SPIDR: variants seen among roughly 807,000 people sequenced by gnomAD.
SPIDR encodes the protein scaffold protein involved in DNA repair, also known as DNA repair-scaffolding protein.
SPIDR carries 93 observed loss-of-function variants against 104.6 expected under a neutral mutation model. The observed-to-expected ratio is 0.89, with a 90% CI of 0.75 to 1.06. SPIDR has a LOEUF of 1.06. SPIDR is among the 50% of genes least tolerant of loss of function. The pLI, the probability that SPIDR is intolerant of heterozygous loss-of-function variation, is 0.00. For synonymous variants in SPIDR, 431 were observed against 416.9 expected, an observed-to-expected ratio of 1.03 and a Z score of -0.41; for missense variants, 1,154 against 1,111.2, an observed-to-expected ratio of 1.04 and a Z score of -0.55.
intron 8 of SPIDR, among the ~76,000 whole-genome samples, chr8:47,473,726 T>C (rs1384211750): frequency 6.6e-6 from 1 of 152,202 alleles, no homozygotes; most frequent in Non-Finnish European, 1.5e-5. Context: ...AATGGAAATC[T>C]TGGCTTTGCA....
intron 8 of SPIDR, among the ~76,000 whole-genome samples, chr8:47,539,230 G>A (rs950132482): frequency 6.6e-6 from 1 of 152,114 alleles, no homozygotes; most frequent in Non-Finnish European, 1.5e-5. Flanking sequence ...ACCCGTTACT[G>A]CACTAGCGGA....
intron 8 of SPIDR, among the ~76,000 whole-genome samples, chr8:47,498,796 G>A (rs903421606): frequency 2.6e-5 from 4 of 152,158 alleles, no homozygotes; most frequent in African/African-American, 7.2e-5. Context: ...ATAAAAGAAA[G>A]GCATAATGTT....
At chr8:47,733,379 T>A (rs2085587671) in intron 19 of SPIDR, among the ~76,000 whole-genome samples, 1 of 152,140 alleles carries the variant, frequency 6.6e-6, no homozygotes, top group South Asian at 2.1e-4. Context: ...AGAGCAAGAC[T>A]CAGTCTCAAA....
chr8:47,418,626 G>A (rs1343645716), intron 7 of SPIDR, among the ~76,000 whole-genome samples: 3 of 152,112 alleles, frequency 2.0e-5, no homozygotes, highest in Non-Finnish European at 4.4e-5. Flanking sequence ...TCTCCTGCCT[G>A]ATTGCCCTGG....
At chr8:47,649,967 TA>T (rs1261758911) in intron 10 of SPIDR, among the ~76,000 whole-genome samples, 1 of 152,082 alleles carries the variant, frequency 6.6e-6, no homozygotes, top group Non-Finnish European at 1.5e-5. Context: ...CTCACAGTAA[TA>T]AAAACCGTAT....
At chr8:47,452,866 G>C (rs192723437) in intron 8 of SPIDR, among the ~76,000 whole-genome samples, 22 of 152,200 alleles carry the variant, frequency 1.4e-4, no homozygotes, top group Admixed American at 1.4e-3. Flanking sequence ...GGCCAGGGTA[G>C]TCAGGCAGGA....
At chr8:47,309,379 C>G (rs145315138) in intron 5 of SPIDR, among the ~76,000 whole-genome samples, 1 of 152,084 alleles carries the variant, frequency 6.6e-6, no homozygotes, top group Non-Finnish European at 1.5e-5. Context: ...TATACTGTAT[C>G]TGTTCATTAT....
chr8:47,434,838 G>C (rs2067993366), intron 7 of SPIDR, among the ~76,000 whole-genome samples: 1 of 152,148 alleles, frequency 6.6e-6, no homozygotes. Flanking sequence ...GAAGACTTGA[G>C]TTGACGTGAG....
At chr8:47,384,427 A>T (rs532656960) in intron 5 of SPIDR, among the ~76,000 whole-genome samples, 97 of 152,342 alleles carry the variant, frequency 6.4e-4, no homozygotes, top group Middle Eastern at 6.8e-3. Context: ...ATATTATTAG[A>T]AATTACTTTT....
chr8:47,514,493 T>C (rs528101486), intron 8 of SPIDR, among the ~76,000 whole-genome samples: 2 of 152,228 alleles, frequency 1.3e-5, no homozygotes, highest in African/African-American at 2.4e-5. Flanking sequence ...TCTACAGAAA[T>C]ATGTATAGTG....
At chr8:47,724,174 C>T (rs2083860602) in intron 16 of SPIDR, among the ~76,000 whole-genome samples, 1 of 152,144 alleles carries the variant, frequency 6.6e-6, no homozygotes, top group African/African-American at 2.4e-5. Context: ...CCTGCAGGCC[C>T]TCATGTAGGG....
At chr8:47,373,777 A>G (rs1004787702) in intron 5 of SPIDR, among the ~76,000 whole-genome samples, 1 of 152,214 alleles carries the variant, frequency 6.6e-6, no homozygotes, top group African/African-American at 2.4e-5. Flanking sequence ...TTCTGGCTTA[A>G]AATCAATTTT....
chr8:47,373,057 C>G (rs1587855046), intron 5 of SPIDR, among the ~76,000 whole-genome samples: 1 of 152,110 alleles, frequency 6.6e-6, no homozygotes, highest in Non-Finnish European at 1.5e-5. Context: ...TGTGATCTAA[C>G]TGGAAATTGG....
intron 10 of SPIDR, among the ~76,000 whole-genome samples, chr8:47,663,775 C>T (rs912069804): frequency 1.3e-5 from 2 of 152,194 alleles, no homozygotes; most frequent in African/African-American, 2.4e-5. Context: ...TGTTTTCTCA[C>T]ACGACACATG....
At chr8:47,623,357 T>C (rs1225299703) in intron 10 of SPIDR, among the ~76,000 whole-genome samples, 1 of 152,182 alleles carries the variant, frequency 6.6e-6, no homozygotes, top group African/African-American at 2.4e-5. Flanking sequence ...GCTGACATCA[T>C]AATGAAAGGA....
intron 8 of SPIDR, among the ~76,000 whole-genome samples, chr8:47,461,972 G>T (rs1225833436): frequency 6.6e-6 from 1 of 151,862 alleles, no homozygotes. Context: ...GTGATTTTTG[G>T]GGGGTGTTAA....
At chr8:47,453,731 G>A (rs2072365445) in intron 8 of SPIDR, among the ~76,000 whole-genome samples, 1 of 152,124 alleles carries the variant, frequency 6.6e-6, no homozygotes, top group South Asian at 2.1e-4. Context: ...AGCCTTAAAT[G>A]TTAGATCTAA....
intron 8 of SPIDR, chr8:47,511,782 A>C (rs989331059): frequency 8.0e-7 from 1 of 1,246,758 alleles, no homozygotes; most frequent in African/African-American, 1.5e-5. Context: ...CTTTAAAGAG[A>C]TCATCCACCA....
At chr8:47,428,010 C>T (rs1053146074) in intron 7 of SPIDR, among the ~76,000 whole-genome samples, 2 of 152,216 alleles carry the variant, frequency 1.3e-5, no homozygotes, top group Non-Finnish European at 2.9e-5. Flanking sequence ...GTAACCTCTG[C>T]CTCCCGTGTT....
Sources: allele counts gnomAD v4.1 joint callset (sites outside exome capture counted in the v4.1 genomes callset), GRCh38; gene constraint gnomAD v4.1.1; transcripts MANE v1.5; gene names NCBI Gene and HGNC (gene_info 2026-07-23, HGNC 2026-07-21).